MBOAT1: variants seen among roughly 807,000 people sequenced by gnomAD.
MBOAT1 encodes membrane-bound glycerophospholipid O-acyltransferase 1.
Under a neutral mutation model 64.4 loss-of-function variants are expected in MBOAT1, and 67 were observed. That is an observed-to-expected ratio of 1.04 (90% confidence interval 0.85 to 1.27). The LOEUF is 1.27. Among genes scored for constraint, MBOAT1 ranks in the 50% most tolerant of loss-of-function variants. The pLI is 0.00. For missense variants in MBOAT1, 563 were observed against 604.6 expected (o/e 0.93, Z 0.72); for synonymous variants, 229 against 218.9 (o/e 1.05, Z -0.41).
intron 12 of MBOAT1, among the ~76,000 whole-genome samples, chr6:20,103,997 T>A (rs1245828358): frequency 1.3e-5 from 2 of 152,204 alleles, no homozygotes; most frequent in African/African-American, 4.8e-5. Context: ...TTCATGGTAA[T>A]ACAGGTGTAT....
At chr6:20,155,505 A>T (rs1367061269) in intron 1 of MBOAT1, among the ~76,000 whole-genome samples, 1 of 152,356 alleles carries the variant, frequency 6.6e-6, no homozygotes, top group East Asian at 1.9e-4. Context: ...CTTTATTTCT[A>T]AAATGTGTGC....
chr6:20,120,899 C>T (rs1258306455), intron 8 of MBOAT1, among the ~76,000 whole-genome samples: 1 of 152,176 alleles, frequency 6.6e-6, no homozygotes, highest in Non-Finnish European at 1.5e-5. Flanking sequence ...CAGTAACAGG[C>T]TCTAAGTTCA....
chr6:20,127,531 G>A (rs192617753), intron 6 of MBOAT1, among the ~76,000 whole-genome samples: 143 of 152,232 alleles, frequency 9.4e-4, no homozygotes, highest in African/African-American at 3.3e-3. Context: ...CCGCCTGAGC[G>A]CCACCTAATG....
chr6:20,198,136 G>A (rs1763010324), intron 1 of MBOAT1, among the ~76,000 whole-genome samples: 1 of 151,512 alleles, frequency 6.6e-6, no homozygotes. Context: ...GTTGAGGCAG[G>A]AGAATCACTT....
intron 8 of MBOAT1, 121 bp from the exon 9 acceptor site, chr6:20,118,661 G>T: frequency 1.4e-6 from 1 of 716,186 alleles, no homozygotes; most frequent in Non-Finnish European, 2.3e-6. Context: ...CTTTGGAAAA[G>T]GAACCCCAAA....
intron 8 of MBOAT1, among the ~76,000 whole-genome samples, chr6:20,119,808 GT>G (rs1462522157): frequency 6.6e-6 from 1 of 152,178 alleles, no homozygotes; most frequent in Non-Finnish European, 1.5e-5. Flanking sequence ...TAATTCGTGA[GT>G]GACAGAGATC....
At chr6:20,136,398 G>A (rs79915811) in intron 4 of MBOAT1, among the ~76,000 whole-genome samples, 10,241 of 152,202 alleles carry the variant, frequency 0.067, 422 homozygotes, top group Admixed American at 0.14. Context: ...TATAACTTAT[G>A]TCTGCAGAAT....
intron 12 of MBOAT1, among the ~76,000 whole-genome samples, chr6:20,107,761 A>G (rs1368690207): frequency 5.9e-5 from 9 of 151,970 alleles, no homozygotes; most frequent in African/African-American, 1.9e-4. Flanking sequence ...GTATGAGGCA[A>G]TATCAGGGGC....
At chr6:20,188,892 T>C (rs926894017) in intron 1 of MBOAT1, among the ~76,000 whole-genome samples, 13 of 152,166 alleles carry the variant, frequency 8.5e-5, no homozygotes, top group African/African-American at 2.4e-4. Context: ...GTTCTTTTGT[T>C]TGAAAGAACT....
chr6:20,205,841 A>G (rs1763247621), intron 1 of MBOAT1, among the ~76,000 whole-genome samples: 1 of 152,074 alleles, frequency 6.6e-6, no homozygotes, highest in Admixed American at 6.6e-5. Flanking sequence ...TCCAGGAGGG[A>G]CTGCAAAGCT....
chr6:20,155,147 TCA>T (rs751365555), intron 1 of MBOAT1, among the ~76,000 whole-genome samples: 13 of 152,236 alleles, frequency 8.5e-5, no homozygotes, highest in Non-Finnish European at 1.9e-4. Flanking sequence ...ATCGTGGTTC[TCA>T]CGAGTGTAGT....
intron 1 of MBOAT1, among the ~76,000 whole-genome samples, chr6:20,186,546 T>C (rs1762659678): frequency 6.6e-6 from 1 of 152,234 alleles, no homozygotes; most frequent in Admixed American, 6.5e-5. Flanking sequence ...TAGCAAGCTC[T>C]TCCCTGGGGC....
intron 1 of MBOAT1, among the ~76,000 whole-genome samples, chr6:20,200,709 T>C (rs1386768273): frequency 3.3e-5 from 5 of 152,120 alleles, no homozygotes; most frequent in Non-Finnish European, 7.4e-5. Flanking sequence ...TCCTGGGGAA[T>C]GTGAGCAGAG....
Position 20,124,451 on chromosome 6 carries a change from G to A in MBOAT1, c.864C>T (p.Val288=). 1.9e-6 allele frequency: 3 copies of A among 1,614,112 alleles called. No individual in the cohort carries two copies. Among genetic ancestry groups the A allele is most frequent in the East Asian group, 2.2e-5 (1 of 44,880 alleles). The change falls in exon 8 of 13, where the codon GTC becomes GTT. Residue 288 remains valine (V), a synonymous_variant. Transcript: ENST00000324607. ...FPARLCYLYV[V]MQASKPKYYF... ...AATACTTGGGCTTTGAGGCTTGCAT[G>A]ACAACATATAAGTAGCAGAGTCGAG...
At chr6:20,113,713 T>TC (rs1322590155) in intron 10 of MBOAT1, among the ~76,000 whole-genome samples, 5 of 149,886 alleles carry the variant, frequency 3.3e-5, no homozygotes, top group Non-Finnish European at 5.9e-5. Context: ...GACAGGGAAT[T>TC]CCCCCCCAAA....
chr6:20,113,256 T>C (rs930034664), intron 10 of MBOAT1, among the ~76,000 whole-genome samples: 18 of 152,198 alleles, frequency 1.2e-4, no homozygotes, highest in Non-Finnish European at 2.2e-4. Context: ...TTAACCTCCA[T>C]AGACTAAATG....
intron 4 of MBOAT1, among the ~76,000 whole-genome samples, chr6:20,133,061 C>G (rs1011512448): frequency 4.6e-5 from 7 of 152,136 alleles, no homozygotes; most frequent in Admixed American, 1.3e-4. Flanking sequence ...TCAACAAATA[C>G]CCTTTGAAAT....
chr6:20,131,106 C>T (rs758476498), intron 5 of MBOAT1, 38 bp downstream of exon 5: 2 of 1,571,152 alleles, frequency 1.3e-6, no homozygotes, highest in South Asian at 2.2e-5. Flanking sequence ...GCATGTCAGG[C>T]TCACTCTGAG....
chr6:20,126,671 CTT>C lies in MBOAT1; in HGVS notation c.558_559del (p.Ser187LeufsTer14). The stretch of plus-strand genomic sequence containing the variant: ...GACACTCATGAAATTGAGAAGGTAA[CTT>C]AAGTATTCCAAAAAAGAGGGTTTCA... On this transcript the variant is annotated frameshift_variant, in exon 7 of 13. Coordinates refer to ENST00000324607, the MANE Select transcript of MBOAT1 (RefSeq NM_001080480.3). LOFTEE classifies it high-confidence loss of function. 5.0e-6 allele frequency: 8 copies of C among 1,612,038 alleles called. No individual in the cohort carries two copies. Among genetic ancestry groups the C allele is most frequent in the Non-Finnish European group, 5.9e-6 (7 of 1,179,372 alleles).
Sources: gnomAD v4.1 joint callset for allele counts (sites outside exome capture counted in the v4.1 genomes callset) on GRCh38, gnomAD v4.1.1 for gene constraint, MANE v1.5 for transcripts, NCBI Gene and HGNC (gene_info 2026-07-23, HGNC 2026-07-21) for gene names.